FRMD4A: variants seen among roughly 807,000 people sequenced by gnomAD.
FRMD4A encodes FERM domain-containing protein 4A.
In FRMD4A, 29 loss-of-function variants were observed where a neutral mutation model predicts 129.1. The observed-to-expected ratio is 0.22, with a 90% CI of 0.17 to 0.31. The LOEUF (loss-of-function observed/expected upper bound fraction) is 0.31. Ranked by LOEUF, FRMD4A falls within the 10% of genes least tolerant of loss-of-function variation. The pLI is 1.00. For missense variants in FRMD4A, 1,272 were observed against 1,375.8 expected (o/e 0.92, Z 1.19); for synonymous variants, 634 against 571.6 (o/e 1.11, Z -1.56).
intron 2 of FRMD4A, among the ~76,000 whole-genome samples, chr10:14,185,674 A>C (rs1291273189): frequency 6.6e-6 from 1 of 152,200 alleles, no homozygotes; most frequent in Admixed American, 6.5e-5. Context: ...GCAGATGAGC[A>C]GAAGAGAGGA....
intron 2 of FRMD4A, among the ~76,000 whole-genome samples, chr10:14,118,012 C>T (rs1460742713): frequency 1.3e-5 from 2 of 152,104 alleles, no homozygotes; most frequent in Non-Finnish European, 2.9e-5. Context: ...GGAAGTGTGG[C>T]CCTGTTTAGA....
intron 2 of FRMD4A, among the ~76,000 whole-genome samples, chr10:13,948,015 T>C (rs2095344728): frequency 1.4e-5 from 2 of 146,992 alleles, no homozygotes; most frequent in South Asian, 4.3e-4. Context: ...TGGGCAAAAA[T>C]AGGGAGATCT....
chr10:14,300,697 G>A (rs1382658234), intron 2 of FRMD4A, among the ~76,000 whole-genome samples: 1 of 152,214 alleles, frequency 6.6e-6, no homozygotes, highest in Admixed American at 6.5e-5. Context: ...CAATGTTTAT[G>A]ATGTTGTGAA....
intron 2 of FRMD4A, among the ~76,000 whole-genome samples, chr10:14,039,307 A>T (rs17154497): frequency 0.013 from 1,910 of 152,128 alleles, 62 homozygotes; most frequent in East Asian, 0.11. Flanking sequence ...ACATCTAAAA[A>T]TTTGCATTTC....
At chr10:13,654,239 A>G in intron 23 of FRMD4A, 177 bp downstream of exon 23, 1 of 623,172 alleles carries the variant, frequency 1.6e-6, no homozygotes, top group Non-Finnish European at 2.9e-6. Flanking sequence ...AGGCACAGCC[A>G]GGAAAAGGAG....
At chr10:13,960,614 T>C (rs1449366310) in intron 2 of FRMD4A, among the ~76,000 whole-genome samples, 31 of 152,230 alleles carry the variant, frequency 2.0e-4, no homozygotes, top group Admixed American at 1.8e-3. Flanking sequence ...ACTTACCCTC[T>C]TGGAGTAAGG....
At chr10:14,044,960 A>C (rs1361274257) in intron 2 of FRMD4A, among the ~76,000 whole-genome samples, 4 of 152,088 alleles carry the variant, frequency 2.6e-5, no homozygotes, top group Non-Finnish European at 5.9e-5. Context: ...TGTGTCACCC[A>C]GGCTGGAATG....
intron 2 of FRMD4A, among the ~76,000 whole-genome samples, chr10:14,044,029 G>A (rs924508204): frequency 6.6e-6 from 1 of 152,142 alleles, no homozygotes; most frequent in Admixed American, 6.5e-5. Flanking sequence ...GGGTCCCACT[G>A]TGTTGCCCAG....
chr10:13,986,112 C>T (rs1376006324), intron 2 of FRMD4A, among the ~76,000 whole-genome samples: 3 of 152,130 alleles, frequency 2.0e-5, no homozygotes, highest in African/African-American at 7.2e-5. Context: ...CGGCAGCAAC[C>T]CTCTCCCACC....
rs191752010 is a variant in FRMD4A, at chr10:13,664,231, G to A, written c.1604-722C>T. Among the ~76,000 whole-genome samples the A allele has an allele frequency of 1.9e-3, 285 of 152,264 alleles. 1 individual carries two copies. Among genetic ancestry groups the A allele is most frequent in the African/African-American group, 6.5e-3 (270 of 41,554 alleles). ...TGGTGTTTTATCTCTAAAATAATAC[G>A]CTAAGGAACTAGCAAGAACCTTAAT... On this transcript the variant is annotated intron_variant, in intron 18 of 24. Coordinates refer to ENST00000357447, the MANE Select transcript of FRMD4A (RefSeq NM_018027.5).
chr10:14,308,291 T>C (rs1846420174), intron 2 of FRMD4A, among the ~76,000 whole-genome samples: 1 of 152,238 alleles, frequency 6.6e-6, no homozygotes, highest in Non-Finnish European at 1.5e-5. Flanking sequence ...TAAATGACTT[T>C]GGGAAGTGAA....
At chr10:13,816,592 C>T (rs772233768) in intron 3 of FRMD4A, among the ~76,000 whole-genome samples, 14 of 152,178 alleles carry the variant, frequency 9.2e-5, no homozygotes, top group South Asian at 2.1e-4. Context: ...CAATATCCCC[C>T]GCTGATGTGA....
chr10:13,983,289 G>A (rs1022654187), intron 2 of FRMD4A, among the ~76,000 whole-genome samples: 2 of 152,110 alleles, frequency 1.3e-5, no homozygotes, highest in Non-Finnish European at 2.9e-5. Flanking sequence ...TTGCAATAAA[G>A]CAAAGTTCAT....
At chr10:14,211,386 G>A (rs1547667) in intron 2 of FRMD4A, among the ~76,000 whole-genome samples, 1 of 151,926 alleles carries the variant, frequency 6.6e-6, no homozygotes, top group African/African-American at 2.4e-5. Flanking sequence ...TTGAAGTCAC[G>A]TGGGTCTGGT....
chr10:13,803,082 G>A (rs929085429), intron 4 of FRMD4A, among the ~76,000 whole-genome samples: 2 of 148,824 alleles, frequency 1.3e-5, no homozygotes, highest in African/African-American at 5.0e-5. Context: ...CTGGGAGACA[G>A]AGTTTGCAGT....
intron 8 of FRMD4A, among the ~76,000 whole-genome samples, 156 bp from the exon 9 acceptor site, chr10:13,747,975 G>A (rs77329003): frequency 6.6e-6 from 1 of 152,082 alleles, no homozygotes; most frequent in Non-Finnish European, 1.5e-5. Flanking sequence ...TTTTATTTCC[G>A]AAATACAGAT....
intron 2 of FRMD4A, among the ~76,000 whole-genome samples, chr10:14,268,762 C>T (rs1401985194): frequency 6.6e-6 from 1 of 152,136 alleles, no homozygotes; most frequent in Non-Finnish European, 1.5e-5. Context: ...CAATGTTCTT[C>T]CTGGGCTAAG....
At chr10:14,057,248 C>T (rs551326869) in intron 2 of FRMD4A, among the ~76,000 whole-genome samples, 13 of 152,332 alleles carry the variant, frequency 8.5e-5, no homozygotes, top group African/African-American at 1.4e-4. Flanking sequence ...AACACACAGT[C>T]ACCTGACTAC....
intron 2 of FRMD4A, among the ~76,000 whole-genome samples, chr10:13,941,813 C>T (rs1021431067): frequency 2.0e-5 from 3 of 152,154 alleles, no homozygotes; most frequent in African/African-American, 7.2e-5. Context: ...GAATTTTGCA[C>T]AAAAACAGAA....
Sources: allele counts gnomAD v4.1 joint callset (sites outside exome capture counted in the v4.1 genomes callset), GRCh38; gene constraint gnomAD v4.1.1; transcripts MANE v1.5; gene names NCBI Gene and HGNC (gene_info 2026-07-23, HGNC 2026-07-21).